The following DMD variants were observed in gnomAD, a reference collection of about 807,000 sequenced individuals.
The protein encoded by DMD is mutant dystrophin.
Under a neutral mutation model 330.1 loss-of-function variants are expected in DMD, and 63 were observed. The ratio of observed to expected loss-of-function variants is 0.19; its 90% confidence interval spans 0.16 to 0.24. The LOEUF (loss-of-function observed/expected upper bound fraction) is 0.24, where lower values mean the gene tolerates loss of function less well. Ranked by LOEUF, DMD falls within the 10% of genes least tolerant of loss-of-function variation. The probability of loss-of-function intolerance (pLI) is 1.00; values close to 1 mark genes in which losing one functional copy is unlikely to be tolerated. For synonymous variants in DMD, 1,223 were observed against 959.8 expected (o/e 1.27, Z -5.07); for missense variants, 3,344 against 2,684.1 (o/e 1.25, Z -5.43).
At chrX:32,709,337 G>A (rs1156240022) in intron 7 of DMD, among the ~76,000 whole-genome samples, 1 of 111,624 alleles carries the variant, frequency 9.0e-6, no homozygotes, top group Non-Finnish European at 1.9e-5. Flanking sequence ...TGATGATAAG[G>A]GATAACTTTA....
At chrX:31,713,090 G>A (rs1447939056) in intron 52 of DMD, among the ~76,000 whole-genome samples, 11 of 111,374 alleles carry the variant, frequency 9.9e-5, no homozygotes, top group Non-Finnish European at 3.8e-5. Flanking sequence ...AATGGGAGTG[G>A]AAGAAGAAGA....
At chrX:32,386,643 T>A (rs1258685312) in intron 32 of DMD, among the ~76,000 whole-genome samples, 178 bp from the exon 33 acceptor site, 1 of 110,804 alleles carries the variant, frequency 9.0e-6, no homozygotes, top group Non-Finnish European at 1.9e-5. Flanking sequence ...TGATTTAATA[T>A]TTCTAATTGT....
intron 1 of DMD, among the ~76,000 whole-genome samples, chrX:33,333,774 C>A (rs749912522): frequency 9.0e-6 from 1 of 111,242 alleles, no homozygotes; most frequent in Admixed American, 9.6e-5. Context: ...ATTGCTAATT[C>A]TTAAATTTAG....
chrX:31,344,275 A>T (rs1462131654), intron 61 of DMD, among the ~76,000 whole-genome samples: 1 of 111,796 alleles, frequency 8.9e-6, no homozygotes, highest in Non-Finnish European at 1.9e-5. Context: ...ACCTTTAGGC[A>T]TTTATCCTGT....
chrX:32,417,651 T>G lies in DMD; in HGVS notation c.4072-5738A>C, dbSNP rs2098171126. ...AGAAGACAGCCATGTTTGAGCTATC[T>G]ACCAGGAACACTCTTTATGGAGCAA... is the stretch of plus-strand genomic sequence containing the variant. On this transcript the variant is annotated intron_variant, in intron 29 of 78. Transcript: ENST00000357033. Among the ~76,000 whole-genome samples, 3 of 111,441 alleles carry G rather than the reference T, an allele frequency of 2.7e-5. No homozygotes were observed. In the South Asian group the frequency reaches 1.1e-3, roughly 42 times the overall value.
At position 33,211,418 on chromosome X, in the gene DMD, G is replaced by C; in HGVS notation, c.-106C>G. On this transcript the variant is annotated 5_prime_UTR_variant, in exon 1 of 79. Transcript: ENST00000357033. The stretch of plus-strand genomic sequence containing the variant: ...AACAATGAGAAACCAACAAACTTCA[G>C]CAGCTTTAAAAAAAGTAACACTTCA... 6 of 1,159,871 alleles carry C rather than the reference G, an allele frequency of 5.2e-6. No individual in the cohort carries two copies. Among genetic ancestry groups the C allele is most frequent in the Non-Finnish European group, 6.9e-6 (6 of 869,739 alleles).
intron 53 of DMD, among the ~76,000 whole-genome samples, chrX:31,676,222 T>A (rs2082071473): frequency 8.9e-6 from 1 of 112,240 alleles, no homozygotes; most frequent in African/African-American, 3.2e-5. Context: ...AAGGGGGTGT[T>A]GCTTTAGCCA....
chrX:33,144,704 T>C (rs1363747252), intron 1 of DMD, among the ~76,000 whole-genome samples: 1 of 111,324 alleles, frequency 9.0e-6, no homozygotes, highest in East Asian at 2.8e-4. Flanking sequence ...AAATCAGAGT[T>C]TTCACAGAGA....
intron 1 of DMD, among the ~76,000 whole-genome samples, chrX:33,303,774 A>G (rs1489479743): frequency 1.8e-5 from 2 of 111,557 alleles, no homozygotes; most frequent in Non-Finnish European, 3.8e-5. Context: ...CCATGATTGT[A>G]AGTTTCCTGA....
At chrX:32,893,210 G>A (rs1458502177) in intron 2 of DMD, among the ~76,000 whole-genome samples, 1 of 111,807 alleles carries the variant, frequency 8.9e-6, no homozygotes, top group Non-Finnish European at 1.9e-5. Flanking sequence ...TAACCAAATG[G>A]TTTCGCCTAC....
chrX:32,460,327 C>T (rs1162119293), intron 25 of DMD, among the ~76,000 whole-genome samples: 9 of 110,204 alleles, frequency 8.2e-5, no homozygotes, highest in African/African-American at 3.0e-4. Context: ...CCTCAGAAAA[C>T]TACAATATCC....
chrX:33,080,468 A>G (rs61666942), intron 1 of DMD, among the ~76,000 whole-genome samples: 3,757 of 111,749 alleles, frequency 0.034, 154 homozygotes, highest in African/African-American at 0.12. Flanking sequence ...CATTCCCTAC[A>G]CACCTTGTAT....
chrX:32,649,559 TAAAAAAAAAAAAA>T (rs1161462889), intron 9 of DMD, among the ~76,000 whole-genome samples: 3 of 54,280 alleles, frequency 5.5e-5, no homozygotes, highest in Admixed American at 2.5e-4. Flanking sequence ...CCGTCTCTTT[TAAAAAAAAAAAAA>T]AAAAAAAAAA....
chrX:31,893,318 A>G (rs917611800), intron 47 of DMD, among the ~76,000 whole-genome samples: 10 of 111,152 alleles, frequency 9.0e-5, no homozygotes, highest in Non-Finnish European at 1.5e-4. Context: ...TACGTATGTT[A>G]ATCCCATGTG....
intron 13 of DMD, among the ~76,000 whole-genome samples, chrX:32,578,086 T>C (rs1435355553): frequency 4.5e-5 from 5 of 112,266 alleles, no homozygotes; most frequent in Non-Finnish European, 9.4e-5. Flanking sequence ...TATCATTGCC[T>C]GAATGGCTAT....
intron 7 of DMD, among the ~76,000 whole-genome samples, chrX:32,731,571 G>C (rs1243578283): frequency 8.9e-6 from 1 of 112,230 alleles, no homozygotes; most frequent in Non-Finnish European, 1.9e-5. Context: ...ATCTGAGAAG[G>C]GGCAGACTGC....
intron 1 of DMD, among the ~76,000 whole-genome samples, chrX:33,080,461 T>C (rs1569553058): frequency 8.9e-6 from 1 of 111,898 alleles, no homozygotes. Context: ...AAAAACACAT[T>C]CCCTACACAC....
intron 44 of DMD, among the ~76,000 whole-genome samples, chrX:32,154,411 T>C (rs1395398696): frequency 8.9e-6 from 1 of 112,479 alleles, no homozygotes; most frequent in Non-Finnish European, 1.9e-5. Context: ...CAAAATTACT[T>C]GAACTAAAGA....
chrX:32,797,613 A>G (rs185728203), intron 7 of DMD, among the ~76,000 whole-genome samples: 182 of 112,178 alleles, frequency 1.6e-3, no homozygotes, highest in Non-Finnish European at 1.9e-3. Context: ...TGTTTTTAAT[A>G]TATTTCTTTA....
Sources: allele counts gnomAD v4.1 joint callset (sites outside exome capture counted in the v4.1 genomes callset), GRCh38; gene constraint gnomAD v4.1.1; transcripts MANE v1.5; gene names NCBI Gene and HGNC (gene_info 2026-07-23, HGNC 2026-07-21).